Variants in DDR2 observed in about 807,000 individuals in gnomAD.
DDR2 encodes the protein discoidin domain-containing receptor 2.
A neutral mutation model predicts 94.9 loss-of-function variants in DDR2; 27 were observed. The observed-to-expected ratio is 0.28, with a 90% CI of 0.21 to 0.39. The LOEUF (loss-of-function observed/expected upper bound fraction) is 0.39, where lower values mean the gene tolerates loss of function less well. DDR2 is among the 10% of genes least tolerant of loss of function. DDR2 has a pLI of 1.00. For missense variants in DDR2, 783 were observed against 1,076.0 expected (o/e 0.73, Z 3.81); for synonymous variants, 382 against 377.2 (o/e 1.01, Z -0.15).
chr1:162,783,150 T>C lies in DDR2; in HGVS notation c.*2904T>C, dbSNP rs2998107. On this transcript the variant is annotated 3_prime_UTR_variant, in exon 18 of 18. Coordinates refer to ENST00000367921, the MANE Select transcript of DDR2 (RefSeq NM_006182.4). ...TTGCAGTAAGTTATCTTCTTCATGA[T>C]ATATGTGAATTATTTTATGTGCAGA... 1.3e-5 allele frequency: 2 copies of C among 152,234 alleles called. No individual in the cohort carries two copies. The highest frequency in any genetic ancestry group is 1.9e-4 in the East Asian group (1 of 5,204). 9.4% of individuals were successfully genotyped at this position (152,234 alleles called of 1,614,324 possible). A position where few individuals can be genotyped will look rare whatever the true frequency, so the allele number is the denominator to read the frequency against.
intron 12 of DDR2, among the ~76,000 whole-genome samples, chr1:162,771,056 G>A (rs1418454486): frequency 6.6e-6 from 1 of 152,154 alleles, no homozygotes; most frequent in Non-Finnish European, 1.5e-5. Context: ...AGTAATATGA[G>A]ATTTTATTAT....
intron 1 of DDR2, among the ~76,000 whole-genome samples, chr1:162,639,035 G>A (rs1253093908): frequency 1.3e-5 from 2 of 151,264 alleles, no homozygotes; most frequent in South Asian, 2.1e-4. Context: ...GCGCAATCTC[G>A]GCTCAGTGCA....
intron 2 of DDR2, among the ~76,000 whole-genome samples, chr1:162,704,518 T>C (rs1019067030): frequency 9.9e-5 from 15 of 152,150 alleles, no homozygotes; most frequent in Non-Finnish European, 1.5e-4. Context: ...ACAACAGAAA[T>C]TTATTTCTCA....
Position 162,770,328 on chromosome 1 carries a change from A to G in DDR2, c.1320A>G (p.Glu440=), listed in dbSNP as rs1664201677. The change falls in exon 12 of 18, where the codon GAA becomes GAG. Residue 440 remains glutamate, a synonymous_variant. Coordinates refer to ENST00000367921, the MANE Select transcript of DDR2 (RefSeq NM_006182.4). ...CTTCTCGGAGGATGCTGGATGATGAAATGACAGTCAGCCTTTCCCTGCCAA... is the reference window on the plus strand; with the variant it reads ...CTTCTCGGAGGATGCTGGATGATGAGATGACAGTCAGCCTTTCCCTGCCAA... ...EKASRRMLDD[E]MTVSLSLPSD... is the part of the protein sequence containing the mutation. 1 of 1,613,902 alleles carries G rather than the reference A, an allele frequency of 6.2e-7. No individual in the cohort carries two copies. The highest frequency in any genetic ancestry group is 1.3e-5 in the African/African-American group (1 of 74,882).
intron 2 of DDR2, among the ~76,000 whole-genome samples, chr1:162,713,919 T>G (rs1437052970): frequency 6.6e-6 from 1 of 152,174 alleles, no homozygotes; most frequent in African/African-American, 2.4e-5. Context: ...AATTTATATA[T>G]CCAGCAGCAG....
At chr1:162,633,207 A>G (rs957368882) in intron 1 of DDR2, among the ~76,000 whole-genome samples, 3 of 152,134 alleles carry the variant, frequency 2.0e-5, no homozygotes, top group African/African-American at 7.2e-5. Flanking sequence ...TGACAGTGAA[A>G]TACAGCTTCC....
intron 9 of DDR2, among the ~76,000 whole-genome samples, chr1:162,762,691 A>G (rs548028091): frequency 6.6e-6 from 1 of 152,288 alleles, no homozygotes; most frequent in African/African-American, 2.4e-5. Context: ...TTTAATTGTT[A>G]ATTTTCAGAG....
chr1:162,650,815 T>A (rs758398712), intron 1 of DDR2, among the ~76,000 whole-genome samples: 5 of 151,990 alleles, frequency 3.3e-5, no homozygotes, highest in Non-Finnish European at 7.4e-5. Context: ...AGCCTAAGCC[T>A]TCCAGGTTCA....
chr1:162,662,654 G>A (rs1658363367), intron 2 of DDR2, among the ~76,000 whole-genome samples: 1 of 152,032 alleles, frequency 6.6e-6, no homozygotes, highest in Admixed American at 6.6e-5. Flanking sequence ...TTTCCCTAAA[G>A]CATGTGTTTC....
intron 2 of DDR2, among the ~76,000 whole-genome samples, chr1:162,663,405 C>A (rs774526723): frequency 6.6e-6 from 1 of 152,104 alleles, no homozygotes; most frequent in Non-Finnish European, 1.5e-5. Context: ...TGGAGGGGGT[C>A]CCCTATCTCA....
chr1:162,724,070 G>A (rs1661541650), intron 3 of DDR2, among the ~76,000 whole-genome samples: 1 of 152,154 alleles, frequency 6.6e-6, no homozygotes, highest in Admixed American at 6.6e-5. Context: ...TGTTGGAATG[G>A]ACCTTAGAAA....
At chr1:162,665,239 G>A (rs756566679) in intron 2 of DDR2, among the ~76,000 whole-genome samples, 1 of 152,138 alleles carries the variant, frequency 6.6e-6, no homozygotes, top group Non-Finnish European at 1.5e-5. Flanking sequence ...AAAGTGGATC[G>A]GGAGCCTCTT....
chr1:162,755,660 G>A lies in DDR2; in HGVS notation c.566-4G>A. 1 of 1,613,966 alleles carries A rather than the reference G, an allele frequency of 6.2e-7. No homozygotes were observed. The highest frequency in any genetic ancestry group is 8.5e-7 in the Non-Finnish European group (1 of 1,179,886). On this transcript the variant is annotated splice_polypyrimidine_tract_variant and splice_region_variant and intron_variant, in intron 6 of 17. Coordinates refer to ENST00000367921, the MANE Select transcript of DDR2 (RefSeq NM_006182.4). ...GCACTCACTTGGCTGTGTTTCCTTT[G>A]CAGATGGCTTGGTGTCTTACAATGC... is the stretch of plus-strand genomic sequence containing the variant.
chr1:162,657,695 T>C (rs981186305), intron 2 of DDR2, among the ~76,000 whole-genome samples: 1 of 152,136 alleles, frequency 6.6e-6, no homozygotes, highest in Admixed American at 6.5e-5. Flanking sequence ...TAGTGGATGT[T>C]AGAGTTCCCA....
chr1:162,753,538 A>T (rs1663315212), intron 4 of DDR2, among the ~76,000 whole-genome samples: 1 of 152,098 alleles, frequency 6.6e-6, no homozygotes. Flanking sequence ...CACCTATGGG[A>T]AGGTGCAGAT....
intron 2 of DDR2, among the ~76,000 whole-genome samples, chr1:162,663,642 G>A (rs773009339): frequency 3.3e-5 from 5 of 152,106 alleles, no homozygotes; most frequent in Non-Finnish European, 5.9e-5. Context: ...GCAGGTGGGC[G>A]GTGAAGGAGG....
At chr1:162,707,729 G>A (rs1056320876) in intron 2 of DDR2, among the ~76,000 whole-genome samples, 11 of 152,128 alleles carry the variant, frequency 7.2e-5, no homozygotes, top group African/African-American at 2.7e-4. Context: ...CTAAACATAC[G>A]ATTGCCACCT....
At chr1:162,712,954 C>T (rs539987755) in intron 2 of DDR2, among the ~76,000 whole-genome samples, 2 of 152,192 alleles carry the variant, frequency 1.3e-5, no homozygotes, top group South Asian at 4.2e-4. Flanking sequence ...GGTAAAGAAG[C>T]CAACTCTAAT....
rs372253523 is a variant in DDR2, at chr1:162,780,094, T to G, written c.2434-18T>G. On this transcript the variant is annotated intron_variant, in intron 17 of 17. Transcript: ENST00000367921. ...CTCTCTCTCTCTCTTTTGTTTTCCT[T>G]TATTTTTGTTCCCAAAGACTTACCT... 6.2e-7 allele frequency: 1 copy of G among 1,613,736 alleles called. No homozygotes were observed. The highest frequency in any genetic ancestry group is 8.5e-7 in the Non-Finnish European group (1 of 1,179,834).
Sources: gnomAD v4.1 joint callset for allele counts (sites outside exome capture counted in the v4.1 genomes callset) on GRCh38, gnomAD v4.1.1 for gene constraint, MANE v1.5 for transcripts, NCBI Gene and HGNC (gene_info 2026-07-23, HGNC 2026-07-21) for gene names.